The following BIRC6 variants were observed in gnomAD, a reference collection of about 807,000 sequenced individuals.
BIRC6 encodes dual E2 ubiquitin-conjugating enzyme/E3 ubiquitin-protein ligase BIRC6.
Under a neutral mutation model 503.3 loss-of-function variants are expected in BIRC6, and 98 were observed. That is an observed-to-expected ratio of 0.19 (90% CI 0.17 to 0.23). The LOEUF (loss-of-function observed/expected upper bound fraction) is 0.23. Ranked by LOEUF, BIRC6 falls within the 10% of genes least tolerant of loss-of-function variation. The pLI, the probability that BIRC6 is intolerant of heterozygous loss-of-function variation, is 1.00. For missense variants in BIRC6, 5,360 were observed against 5,806.0 expected (o/e 0.92, Z 2.50); for synonymous variants, 2,240 against 2,078.7 (o/e 1.08, Z -2.11).
At chr2:32,378,411 T>A (rs926012696) in intron 2 of BIRC6, among the ~76,000 whole-genome samples, 8 of 152,022 alleles carry the variant, frequency 5.3e-5, no homozygotes, top group African/African-American at 9.7e-5. Flanking sequence ...TTCTTTTTTT[T>A]AATATTTTAA....
chr2:32,449,225 T>C (rs1315416778), intron 22 of BIRC6: 1 of 210,578 alleles, frequency 4.7e-6, no homozygotes, highest in African/African-American at 2.3e-5. Context: ...TAAAATGTAT[T>C]TGTTGTAGCC....
In BIRC6 at chr2:32,357,257, G is replaced by A. The variant is rs770338173; in HGVS notation, c.96G>A (p.Ala32=). 2 of 1,522,300 alleles carry A rather than the reference G, an allele frequency of 1.3e-6. No homozygotes were observed. The highest frequency in any genetic ancestry group is 8.8e-7 in the Non-Finnish European group (1 of 1,138,352). The allele number at this position is 1,522,300 out of a possible 1,614,324, so 94.3% of individuals were successfully genotyped here. ...VLSAGRKMAA[A]AAAASGPGCS... is the part of the protein sequence containing the mutation. ...GCGCAGGCCGGAAGATGGCGGCTGC[G>A]GCTGCGGCGGCCTCGGGCCCCGGCT... The change falls in exon 1 of 74, where the codon GCG becomes GCA. Residue 32 remains alanine (A), a synonymous_variant. Coordinates refer to ENST00000421745, the MANE Select transcript of BIRC6 (RefSeq NM_016252.4). The surrounding 1 kb of genome is among the most constrained non-coding windows in gnomAD (Gnocchi z 4.9).
Position 32,450,233 on chromosome 2 carries a change from C to G in BIRC6, c.4618+1305C>G, listed in dbSNP as rs34710857. On this transcript the variant is annotated intron_variant, in intron 22 of 73. Transcript: ENST00000421745. ...GTGGCTCACGCCTGTAATCCCAGCA[C>G]TTTGGGAGGCTGAGGTGGGCAGATC... Among the ~76,000 whole-genome samples the G allele has an allele frequency of 6.1e-3, 933 of 152,272 alleles. 10 individuals are homozygous for G. The highest frequency in any genetic ancestry group is 0.017 in the Middle Eastern group (5 of 294).
intron 49 of BIRC6, among the ~76,000 whole-genome samples, chr2:32,504,034 TTGTGTGTG>T (rs556051105): frequency 8.9e-4 from 70 of 78,230 alleles, no homozygotes; most frequent in African/African-American, 2.4e-3. Context: ...GGGGGGGTGT[TTGTGTGTG>T]TGTGTGTGTG....
At chr2:32,578,099 C>T (rs1224453092) in intron 66 of BIRC6, among the ~76,000 whole-genome samples, 1 of 152,154 alleles carries the variant, frequency 6.6e-6, no homozygotes, top group East Asian at 1.9e-4. Context: ...CTAATCTGTG[C>T]AGCCTCTGTT....
intron 45 of BIRC6, among the ~76,000 whole-genome samples, chr2:32,494,754 AAAAG>A (rs1407245799): frequency 1.3e-5 from 2 of 151,940 alleles, no homozygotes; most frequent in African/African-American, 2.4e-5. Flanking sequence ...AAGAAAAAGA[AAAAG>A]AAATTAGCTA....
intron 8 of BIRC6, among the ~76,000 whole-genome samples, chr2:32,404,046 G>A (rs1341365051): frequency 6.6e-6 from 1 of 150,858 alleles, no homozygotes; most frequent in African/African-American, 2.4e-5. Flanking sequence ...TTCTGCCTTA[G>A]CCTCCTTGAG....
At chr2:32,360,880 T>C (rs2033968621) in intron 1 of BIRC6, among the ~76,000 whole-genome samples, 1 of 152,148 alleles carries the variant, frequency 6.6e-6, no homozygotes, top group Non-Finnish European at 1.5e-5. Flanking sequence ...GGATGCCTAA[T>C]ATACAGTGTG....
At position 32,529,836 on chromosome 2, in the gene BIRC6, A is replaced by G; in HGVS notation, c.12094+12A>G. On this transcript the variant is annotated intron_variant, in intron 60 of 73. Coordinates refer to ENST00000421745, the MANE Select transcript of BIRC6 (RefSeq NM_016252.4). ...ACACCCTGAAAAAGGTATGTGCATA[A>G]TACTACTTTAAAAATTACAGACTGT... 1 of 1,519,832 alleles carries G rather than the reference A, an allele frequency of 6.6e-7. No individual in the cohort carries two copies. The highest frequency in any genetic ancestry group is 8.8e-7 in the Non-Finnish European group (1 of 1,130,804). 94.1% of individuals were successfully genotyped at this position (1,519,832 alleles called of 1,614,324 possible). A position where few individuals can be genotyped will look rare whatever the true frequency, so the allele number is the denominator to read the frequency against.
chr2:32,408,795 T>C (rs2149874288), intron 9 of BIRC6, among the ~76,000 whole-genome samples: 1 of 152,368 alleles, frequency 6.6e-6, no homozygotes, highest in Non-Finnish European at 1.5e-5. Context: ...ATTGTCTTTA[T>C]GTATTAAACA....
At chr2:32,613,697 A>G (rs114039531) in intron 73 of BIRC6, among the ~76,000 whole-genome samples, 260 of 152,072 alleles carry the variant, frequency 1.7e-3, no homozygotes, top group African/African-American at 6.0e-3. Context: ...AGCATTTCTA[A>G]CCCTCTGCGT....
chr2:32,575,469 G>A lies in BIRC6; in HGVS notation c.13355+103G>A, dbSNP rs576576214. 82 of 1,092,826 alleles carry A rather than the reference G, an allele frequency of 7.5e-5. No individual in the cohort carries two copies. In the East Asian group the frequency reaches 1.9e-3, roughly 25 times the overall value. 67.7% of individuals were successfully genotyped at this position (1,092,826 alleles called of 1,614,324 possible). On this transcript the variant is annotated intron_variant, in intron 66 of 73. Transcript: ENST00000421745. The stretch of plus-strand genomic sequence containing the variant: ...TTTCAGTGATATGTGCTTTTTAAAA[G>A]CATATACACCCTCGGCTGGGTGCGG...
chr2:32,397,679 CACACATATATATGT>C (rs1205203727), intron 6 of BIRC6, among the ~76,000 whole-genome samples: 37 of 126,250 alleles, frequency 2.9e-4, no homozygotes, highest in Admixed American at 1.1e-3. Flanking sequence ...TATATACACA[CACACATATATATGT>C]ACACACACAC....
At chr2:32,361,275 G>C (rs189408515) in intron 1 of BIRC6, among the ~76,000 whole-genome samples, 4 of 152,180 alleles carry the variant, frequency 2.6e-5, no homozygotes, top group Admixed American at 2.0e-4. Flanking sequence ...TTGATTGGAT[G>C]CATATATAAC....
chr2:32,379,367 GT>G (rs1263984322), intron 2 of BIRC6: 1 of 152,108 alleles, frequency 6.6e-6, no homozygotes, highest in African/African-American at 2.4e-5. Context: ...ATCAAACTAT[GT>G]TTAGGTTTAA....
chr2:32,553,739 C>T (rs553275838), intron 65 of BIRC6, among the ~76,000 whole-genome samples: 1 of 152,148 alleles, frequency 6.6e-6, no homozygotes, highest in Admixed American at 6.5e-5. Context: ...GGCATTACAG[C>T]AGAAACATAA....
chr2:32,586,109 T>A (rs1282681193), intron 66 of BIRC6, among the ~76,000 whole-genome samples: 1 of 152,160 alleles, frequency 6.6e-6, no homozygotes, highest in Non-Finnish European at 1.5e-5. Context: ...TATTTTTATA[T>A]ACCACTACTA....
chr2:32,568,813 C>A (rs2059718310), intron 65 of BIRC6, among the ~76,000 whole-genome samples: 1 of 151,176 alleles, frequency 6.6e-6, no homozygotes, highest in Admixed American at 6.6e-5. Flanking sequence ...CATAGCACTC[C>A]AGTCTGGGCA....
rs1195957499 is a variant in BIRC6 at position 32,487,779 on chromosome 2, T to C, written c.7946T>C (p.Met2649Thr). 1 of 1,612,424 alleles carries C rather than the reference T, an allele frequency of 6.2e-7. No homozygotes were observed. Among genetic ancestry groups the C allele is most frequent in the Non-Finnish European group, 8.5e-7 (1 of 1,178,544 alleles). ...LNVCFNKLFS[M>T]LQVHHVQLES... is the part of the protein sequence containing the mutation. ...GTTTGTTTCAACAAACTTTTTTCCA[T>C]GCTTCAAGTCCATCATGTTCAGGTA... Residue 2649 changes from methionine (M) to threonine (T), a missense_variant, in exon 41 of 74, where the codon ATG becomes ACG. Met to Thr is a moderately conservative substitution (Grantham distance 81, BLOSUM62 -1). Transcript: ENST00000421745.
Sources: gnomAD v4.1 joint callset for allele counts (sites outside exome capture counted in the v4.1 genomes callset) on GRCh38, gnomAD v4.1.1 for gene constraint, Gnocchi (gnomAD v3.1) non-coding constraint, MANE v1.5 for transcripts, NCBI Gene and HGNC (gene_info 2026-07-23, HGNC 2026-07-21) for gene names.